The following ODAD3 variants were observed in gnomAD, a reference collection of about 807,000 sequenced individuals.
ODAD3 encodes outer dynein arm docking complex subunit 3, also known as outer dynein arm-docking complex subunit 3.
Under a neutral mutation model 70.9 loss-of-function variants are expected in ODAD3, and 57 were observed. The ratio of observed to expected loss-of-function variants is 0.80; its 90% CI spans 0.65 to 1.00. ODAD3 has a LOEUF of 1.00. Ranked by LOEUF, ODAD3 falls within the 50% of genes least tolerant of loss-of-function variation. The pLI is 0.00. For missense variants in ODAD3, 797 were observed against 763.9 expected, an observed-to-expected ratio of 1.04 and a Z score of -0.51; for synonymous variants, 327 against 315.9, an observed-to-expected ratio of 1.04 and a Z score of -0.37.
intron 5 of ODAD3, 56 bp from the exon 6 acceptor site, chr19:11,426,627 C>T (rs1032973067): frequency 1.9e-6 from 3 of 1,613,420 alleles, no homozygotes; most frequent in African/African-American, 2.7e-5. Context: ...ACTGCTGTCC[C>T]TAGCCAAGCC....
intron 3 of ODAD3, among the ~76,000 whole-genome samples, chr19:11,427,695 T>A (rs1969414159): frequency 1.3e-5 from 2 of 152,068 alleles, no homozygotes. Context: ...TTGACCAGGC[T>A]GGTCTCAAAC....
intron 3 of ODAD3, among the ~76,000 whole-genome samples, chr19:11,429,780 C>T (rs1254740278): frequency 6.6e-6 from 1 of 152,020 alleles, no homozygotes; most frequent in African/African-American, 2.4e-5. Context: ...CCTCGTGATC[C>T]ACCCGCCTCG....
At position 11,425,442 on chromosome 19, in the gene ODAD3, T is replaced by C. The variant is rs923704594; in HGVS notation, c.963+702A>G. Among the ~76,000 whole-genome samples the C allele has an allele frequency of 4.5e-3, 624 of 139,350 alleles. 22 individuals carry two copies. The highest frequency in any genetic ancestry group is 7.3e-3 in the Non-Finnish European group (486 of 66,480). The allele number at this position is 139,350 out of a possible 152,430, so 91.4% of individuals were successfully genotyped here. ...GTGTATATACACATATGTGTATATGTATATATACATATATGTGTGTGTATA... is the reference window on the plus strand; with the variant it reads ...GTGTATATACACATATGTGTATATGCATATATACATATATGTGTGTGTATA... On this transcript the variant is annotated intron_variant, in intron 7 of 12. Coordinates refer to ENST00000356392, the MANE Select transcript of ODAD3 (RefSeq NM_145045.5).
upstream of ODAD3, chr19:11,435,149 C>G (rs1420966889): frequency 6.9e-7 from 1 of 1,442,334 alleles, no homozygotes; most frequent in African/African-American, 1.4e-5. Context: ...TGGTTGCGCT[C>G]CGCATCTCTC....
chr19:11,426,860 C>T lies in ODAD3; in HGVS notation c.612+13G>A, dbSNP rs1390203766. The T allele has an allele frequency of 1.9e-6, 3 of 1,610,158 alleles. No homozygotes were observed. Among genetic ancestry groups the T allele is most frequent in the Non-Finnish European group, 2.5e-6 (3 of 1,177,658 alleles). On this transcript the variant is annotated intron_variant, in intron 4 of 12. Coordinates refer to ENST00000356392, the MANE Select transcript of ODAD3 (RefSeq NM_145045.5). ...ACACGACCCTCTGCCCTGCAGGCCTCACCCGCCCCTACCTTGGCCACCTCC... is the reference window on the plus strand; with the variant it reads ...ACACGACCCTCTGCCCTGCAGGCCTTACCCGCCCCTACCTTGGCCACCTCC...
At chr19:11,424,969 ATGTATATATGTGTATATG>A (rs1185522549) in intron 7 of ODAD3, among the ~76,000 whole-genome samples, 3 of 127,626 alleles carry the variant, frequency 2.4e-5, no homozygotes, top group Admixed American at 1.5e-4. Flanking sequence ...ATGTGTATAT[ATGTATATATGTGTATATG>A]TACATATGTG....
intron 3 of ODAD3, among the ~76,000 whole-genome samples, chr19:11,428,813 T>G (rs1969440011): frequency 6.6e-6 from 1 of 152,180 alleles, no homozygotes; most frequent in Non-Finnish European, 1.5e-5. Context: ...CCTCCCAAAG[T>G]GCTGGTATTA....
rs1969159521 is a variant in ODAD3, at chr19:11,422,413, G to C, written c.1434+58C>G. On this transcript the variant is annotated intron_variant, in intron 10 of 12. Coordinates refer to ENST00000356392, the MANE Select transcript of ODAD3 (RefSeq NM_145045.5). This position sits in a 1 kb window ranked among gnomAD's most constrained non-coding sequence, Gnocchi z 4.6. ...TGGTGTGGCAGGAACCCCGCTTCGT[G>C]GCTGCGCCTCTGCGGTCCCAGGAGG... 6.8e-7 allele frequency: 1 copy of C among 1,468,540 alleles called. No individual in the cohort carries two copies. Among genetic ancestry groups the C allele is most frequent in the African/African-American group, 1.4e-5 (1 of 71,202 alleles). The allele number at this position is 1,468,540 out of a possible 1,614,324, so 91.0% of individuals were successfully genotyped here.
chr19:11,422,386 G>T lies in ODAD3; in HGVS notation c.1434+85C>A, dbSNP rs946572409. 4 of 1,433,862 alleles carry T rather than the reference G, an allele frequency of 2.8e-6. No homozygotes were observed. Among genetic ancestry groups the T allele is most frequent in the Non-Finnish European group, 3.7e-6 (4 of 1,084,142 alleles). The allele number at this position is 1,433,862 out of a possible 1,614,324, so 88.8% of individuals were successfully genotyped here. A position where few individuals can be genotyped will look rare whatever the true frequency, so the allele number is the denominator to read the frequency against. ...TGGCAGGCCACGTTCCCTCGGGCAA[G>T]CTGGTGTGGCAGGAACCCCGCTTCG... On this transcript the variant is annotated intron_variant, in intron 10 of 12. Transcript: ENST00000356392. This position sits in a 1 kb window ranked among gnomAD's most constrained non-coding sequence, Gnocchi z 4.6.
At chr19:11,423,147 T>C (rs1969181543) in intron 8 of ODAD3, among the ~76,000 whole-genome samples, 1 of 152,112 alleles carries the variant, frequency 6.6e-6, no homozygotes, top group South Asian at 2.1e-4. Flanking sequence ...CTTTCCAAAA[T>C]CAAAGTGCCA....
At position 11,422,356 on chromosome 19, in the gene ODAD3, G is replaced by T; in HGVS notation, c.1434+115C>A. ...CGGGGCCTCTGACGTCCGGGACAGA[G>T]GATGTGGCAGGCCACGTTCCCTCGG... On this transcript the variant is annotated intron_variant, in intron 10 of 12. Transcript: ENST00000356392. The surrounding 1 kb of genome is among the most constrained non-coding windows in gnomAD (Gnocchi z 4.6). 7.8e-7 allele frequency: 1 copy of T among 1,279,510 alleles called. No homozygotes were observed. The highest frequency in any genetic ancestry group is 2.6e-5 in the East Asian group (1 of 38,830). The allele number at this position is 1,279,510 out of a possible 1,614,324, so 79.3% of individuals were successfully genotyped here.
At chr19:11,421,532 G>A in intron 11 of ODAD3, 145 bp downstream of exon 11, 2 of 1,166,218 alleles carry the variant, frequency 1.7e-6, no homozygotes, top group Non-Finnish European at 2.4e-6. Context: ...CCCCTGGCTC[G>A]TCAAACCTCG....
chr19:11,427,478 CTTTTCT>C (rs1402572033), intron 3 of ODAD3, among the ~76,000 whole-genome samples: 4 of 101,002 alleles, frequency 4.0e-5, no homozygotes, highest in Admixed American at 1.4e-4. Context: ...TTTTTGTTTT[CTTTTCT>C]TTTTTTTTTT....
At chr19:11,424,368 G>T (rs542004295) in intron 7 of ODAD3, among the ~76,000 whole-genome samples, 1 of 151,832 alleles carries the variant, frequency 6.6e-6, no homozygotes, top group Non-Finnish European at 1.5e-5. Flanking sequence ...GCAGGGCGTG[G>T]TGGGGCGCCT....
At position 11,434,883 on chromosome 19, in the gene ODAD3, G is replaced by C; in HGVS notation, c.134C>G (p.Ala45Gly). 6.2e-7 allele frequency: 1 copy of C among 1,614,168 alleles called. No individual in the cohort carries two copies. Among genetic ancestry groups the C allele is most frequent in the Non-Finnish European group, 8.5e-7 (1 of 1,180,034 alleles). The stretch of plus-strand genomic sequence containing the variant: ...GGAACGGCCTGGGGTCCACGCCTGG[G>C]CTGTGCCCTTGCCTCGGAGGTGGCT... ...KPSHLRGKGT[A>G]QAWTPGRSKG... Residue 45 changes from alanine (A) to glycine (G), a missense_variant, in exon 1 of 13, where the codon GCC (alanine) becomes GGC (glycine). Coordinates refer to ENST00000356392, the MANE Select transcript of ODAD3 (RefSeq NM_145045.5).
At chr19:11,431,121 T>C in intron 1 of ODAD3, 101 bp from the exon 2 acceptor site, 1 of 1,495,128 alleles carries the variant, frequency 6.7e-7, no homozygotes, top group Non-Finnish European at 9.0e-7. Context: ...AACTTTTTTT[T>C]TTTTTTTGAG....
chr19:11,427,014 C>G lies in ODAD3; in HGVS notation c.471G>C (p.Leu157=). ...CGTTCTGCTGCTTCACCTTCTCCCT[C>G]AGCCGGTGGTCTAGGTGCTCCAGGG... ...GQALEHLDHR[L]REKVKQQNAL... is the part of the protein sequence containing the mutation. Residue 157 remains leucine (L), a synonymous_variant, in exon 4 of 13, where the codon CTG becomes CTC. Transcript: ENST00000356392. 1 of 1,598,360 alleles carries G rather than the reference C, an allele frequency of 6.3e-7. No homozygotes were observed. The highest frequency in any genetic ancestry group is 8.5e-7 in the Non-Finnish European group (1 of 1,177,666).
At chr19:11,421,950 G>T (rs2144754140) in intron 10 of ODAD3, 118 bp from the exon 11 acceptor site, 8 of 1,167,074 alleles carry the variant, frequency 6.9e-6, no homozygotes. Context: ...CCACCTGCAG[G>T]GTCGATCCTA....
intron 7 of ODAD3, among the ~76,000 whole-genome samples, chr19:11,425,407 A>ACACATATGTGTGTATG (rs1969319653): frequency 9.0e-6 from 1 of 110,622 alleles, no homozygotes; most frequent in East Asian, 2.7e-4. Context: ...ATATGTATAT[A>ACACATATGTGTGTATG]TACATATATG....
Sources: allele counts gnomAD v4.1 joint callset (sites outside exome capture counted in the v4.1 genomes callset), GRCh38; gene constraint gnomAD v4.1.1; non-coding constraint Gnocchi (gnomAD v3.1); transcripts MANE v1.5; gene names NCBI Gene and HGNC (gene_info 2026-07-23, HGNC 2026-07-21).